DENND4C: variants seen among roughly 807,000 people sequenced by gnomAD.
DENND4C encodes the protein DENN domain containing 4C.
Under a neutral mutation model 203.0 loss-of-function variants are expected in DENND4C, and 108 were observed. That is an observed-to-expected ratio of 0.53 (90% CI 0.46 to 0.62). DENND4C has a LOEUF of 0.62. Among genes scored for constraint, DENND4C ranks in the 20% least tolerant of loss-of-function variants. The pLI, the probability that DENND4C is intolerant of heterozygous loss-of-function variation, is 0.00. For missense variants in DENND4C, 2,481 were observed against 2,301.2 expected, an observed-to-expected ratio of 1.08 and a Z score of -1.60; for synonymous variants, 871 against 792.4, an observed-to-expected ratio of 1.10 and a Z score of -1.67.
At chr9:19,362,664 A>G (rs1394482098) in intron 30 of DENND4C, among the ~76,000 whole-genome samples, 2 of 152,294 alleles carry the variant, frequency 1.3e-5, no homozygotes, top group East Asian at 3.9e-4. Context: ...TCTATCAAGT[A>G]AAAATTTGGT....
At chr9:19,253,951 C>T (rs113011206) in intron 1 of DENND4C, among the ~76,000 whole-genome samples, 1,686 of 152,052 alleles carry the variant, frequency 0.011, 27 homozygotes, top group African/African-American at 0.039. Flanking sequence ...AACCAGCCTA[C>T]GCAACATAGT....
Position 19,369,826 on chromosome 9 carries a change from C to G in DENND4C, c.5525-11C>G. On this transcript the variant is annotated splice_polypyrimidine_tract_variant and intron_variant, in intron 30 of 32. Coordinates refer to ENST00000434457, the MANE Select transcript of DENND4C (RefSeq NM_001330640.2). ...TAATTGAAAAAAAACTTACTGTGTT[C>G]TTATTGTTAGATTCTGAAAAGAAAT... 2 of 1,535,296 alleles carry G rather than the reference C, an allele frequency of 1.3e-6. No homozygotes were observed. The highest frequency in any genetic ancestry group is 1.7e-6 in the Non-Finnish European group (2 of 1,144,336).
chr9:19,313,405 A>T lies in DENND4C; in HGVS notation c.1488-3012A>T, dbSNP rs958208. 7.1e-3 allele frequency among the ~76,000 whole-genome samples: 1,078 copies of T among 152,338 alleles called. 29 individuals carry two copies. Among genetic ancestry groups the T allele is most frequent in the East Asian group, 0.057 (297 of 5,194 alleles). ...CCTCATTTTGCAGATCAGAAAATTG[A>T]GTAACAGACTAGTTGACTGATGTAT... On this transcript the variant is annotated intron_variant, in intron 10 of 32. Coordinates refer to ENST00000434457, the MANE Select transcript of DENND4C (RefSeq NM_001330640.2).
chr9:19,333,401 A>C (rs751442262), intron 17 of DENND4C, among the ~76,000 whole-genome samples: 3 of 152,176 alleles, frequency 2.0e-5, no homozygotes, highest in Non-Finnish European at 4.4e-5. Flanking sequence ...ATTTTGGCCC[A>C]CACAATTGTT....
chr9:19,271,201 C>CTT (rs34513200), intron 1 of DENND4C, among the ~76,000 whole-genome samples: 1,490 of 129,014 alleles, frequency 0.012, 37 homozygotes, highest in African/African-American at 0.037. Context: ...AATATGGATT[C>CTT]TTTTTTTTTT....
intron 9 of DENND4C, among the ~76,000 whole-genome samples, chr9:19,302,649 A>G (rs113821587): frequency 0.037 from 5,661 of 152,084 alleles, 349 homozygotes; most frequent in African/African-American, 0.13. Context: ...GATAATTGTC[A>G]CTCAAAGAAA....
chr9:19,239,931 T>G (rs924333531), intron 1 of DENND4C, among the ~76,000 whole-genome samples: 1 of 152,196 alleles, frequency 6.6e-6, no homozygotes, highest in African/African-American at 2.4e-5. Flanking sequence ...TATGTCAAGT[T>G]GGTTGATAAT....
At chr9:19,312,257 C>T (rs7047748) in intron 10 of DENND4C, among the ~76,000 whole-genome samples, 5,207 of 152,076 alleles carry the variant, frequency 0.034, 303 homozygotes, top group African/African-American at 0.12. Flanking sequence ...GCGTGTACAC[C>T]GTGGCCACTT....
chr9:19,267,342 C>G (rs998780778), intron 1 of DENND4C, among the ~76,000 whole-genome samples: 4 of 152,114 alleles, frequency 2.6e-5, no homozygotes, highest in Non-Finnish European at 4.4e-5. Flanking sequence ...TGAATTGACA[C>G]CCTTATTATA....
At chr9:19,257,874 A>G (rs1206874009) in intron 1 of DENND4C, among the ~76,000 whole-genome samples, 1 of 152,194 alleles carries the variant, frequency 6.6e-6, no homozygotes, top group Non-Finnish European at 1.5e-5. Flanking sequence ...TCATTCCTGT[A>G]ATCCCAGCAC....
At chr9:19,306,481 T>G (rs1839682708) in intron 10 of DENND4C, among the ~76,000 whole-genome samples, 1 of 152,188 alleles carries the variant, frequency 6.6e-6, no homozygotes, top group South Asian at 2.1e-4. Context: ...ACAACTTGCA[T>G]GAATTAGTTT....
At chr9:19,296,875 G>A (rs190083802) in intron 6 of DENND4C, among the ~76,000 whole-genome samples, 6 of 152,270 alleles carry the variant, frequency 3.9e-5, no homozygotes, top group Non-Finnish European at 7.3e-5. Flanking sequence ...AATTCTAACC[G>A]TAATACCTCT....
intron 26 of DENND4C, 56 bp from the exon 27 acceptor site, chr9:19,356,916 T>C: frequency 1.3e-6 from 2 of 1,491,064 alleles, no homozygotes; most frequent in Non-Finnish European, 1.8e-6. Context: ...TATGATAGAA[T>C]TTTAGAAAAC....
chr9:19,290,748 C>G lies in DENND4C; in HGVS notation c.673C>G (p.Leu225Val). Residue 225 changes from leucine (L) to valine (V), a missense_variant, in exon 5 of 33, where the codon CTC becomes GTC. Physicochemically the swap from Leu to Val is conservative, Grantham distance 32 (BLOSUM62 1). This residue lies in a region of DENND4C where 2,289 missense variants were observed against 2,113.3 expected (regional missense o/e 1.08). Transcript: ENST00000434457. ...AGAAGAGGACTATGAGTCATTTCCACTCTCAGAATCAGATGTACCTCTTTT... is the reference window on the plus strand; with the variant it reads ...AGAAGAGGACTATGAGTCATTTCCAGTCTCAGAATCAGATGTACCTCTTTT... ...YPEEDYESFP[L>V]SESDVPLFCL... The G allele has an allele frequency of 1.9e-6, 3 of 1,570,162 alleles. No homozygotes were observed. Among genetic ancestry groups the G allele is most frequent in the South Asian group, 2.4e-5 (2 of 84,290 alleles).
At chr9:19,236,823 C>T (rs377743653) in intron 1 of DENND4C, among the ~76,000 whole-genome samples, 6 of 152,186 alleles carry the variant, frequency 3.9e-5, no homozygotes, top group African/African-American at 2.4e-5. Context: ...TTTTTTCCCT[C>T]AGAGCGTTTG....
At chr9:19,328,683 C>G (rs940029754) in intron 16 of DENND4C, among the ~76,000 whole-genome samples, 1 of 151,764 alleles carries the variant, frequency 6.6e-6, no homozygotes, top group African/African-American at 2.4e-5. Flanking sequence ...ATCTATCTAT[C>G]TATCTATCTA....
chr9:19,315,616 CACAT>C (rs1000434408), intron 10 of DENND4C, among the ~76,000 whole-genome samples: 6 of 150,312 alleles, frequency 4.0e-5, no homozygotes, highest in East Asian at 1.9e-4. Context: ...TATACACACA[CACAT>C]ATATTTTATA....
intron 1 of DENND4C, among the ~76,000 whole-genome samples, chr9:19,245,061 C>G (rs1461652488): frequency 6.6e-6 from 1 of 152,206 alleles, no homozygotes; most frequent in African/African-American, 2.4e-5. Flanking sequence ...TAATCACACC[C>G]TAGACTAGTA....
intron 9 of DENND4C, among the ~76,000 whole-genome samples, chr9:19,302,838 A>G (rs7018718): frequency 0.25 from 38,414 of 151,620 alleles, 5,097 homozygotes; most frequent in East Asian, 0.44. Flanking sequence ...TCATTAAAGC[A>G]CTCTTCTCTT....
Sources: gnomAD v4.1 joint callset for allele counts (sites outside exome capture counted in the v4.1 genomes callset) on GRCh38, gnomAD v4.1.1 for gene constraint, gnomAD v4.1.1 regional missense constraint, MANE v1.5 for transcripts, NCBI Gene and HGNC (gene_info 2026-07-23, HGNC 2026-07-21) for gene names.